Variants in IL12A observed in about 807,000 individuals in gnomAD.
IL12A encodes the protein interleukin 12A, also known as interleukin-12 subunit alpha.
In IL12A, 16 loss-of-function variants were observed where a neutral mutation model predicts 23.5. That is an observed-to-expected ratio of 0.68 (90% CI 0.46 to 1.03). The LOEUF is 1.03. IL12A is among the 50% of genes least tolerant of loss of function. The pLI, the probability that IL12A is intolerant of heterozygous loss-of-function variation, is 0.00. For missense variants in IL12A, 275 were observed against 307.0 expected, an observed-to-expected ratio of 0.90 and a Z score of 0.78; for synonymous variants, 106 against 111.5, an observed-to-expected ratio of 0.95 and a Z score of 0.31.
At chr3:159,994,742 A>G (rs2108048339) in intron 6 of IL12A, among the ~76,000 whole-genome samples, 1 of 152,226 alleles carries the variant, frequency 6.6e-6, no homozygotes, top group East Asian at 1.9e-4. Context: ...TTTGGGTGCT[A>G]GAATCAATTC....
At position 159,993,437 on chromosome 3, in the gene IL12A, T is replaced by C; in HGVS notation, c.379-14T>C. On this transcript the variant is annotated splice_polypyrimidine_tract_variant and intron_variant, in intron 3 of 6. Transcript: ENST00000305579. ...TAAGAATTAATACTTTGATATATGA[T>C]TTTTTCCCTCTAGAATGAGAGTTGC... The C allele has an allele frequency of 6.3e-7, 1 of 1,598,144 alleles. No individual in the cohort carries two copies. The highest frequency in any genetic ancestry group is 8.6e-7 in the Non-Finnish European group (1 of 1,166,624).
At chr3:159,994,581 T>C (rs1395334574) in intron 6 of IL12A, among the ~76,000 whole-genome samples, 1 of 100,340 alleles carries the variant, frequency 1.0e-5, no homozygotes, top group East Asian at 2.6e-4. Flanking sequence ...ATTCTTTTCG[T>C]GTGTGTGTGT....
At position 159,996,004 on chromosome 3, in the gene IL12A, T is replaced by G. The variant is rs1189751828; in HGVS notation, c.*445T>G. The G allele has an allele frequency of 6.6e-6, 1 of 152,190 alleles. No homozygotes were observed. Among genetic ancestry groups the G allele is most frequent in the East Asian group, 1.9e-4 (1 of 5,204 alleles). The allele number at this position is 152,190 out of a possible 1,614,324, so 9.4% of individuals were successfully genotyped here. On this transcript the variant is annotated 3_prime_UTR_variant, in exon 7 of 7. Coordinates refer to ENST00000305579, the MANE Select transcript of IL12A (RefSeq NM_000882.4). ...TTTTTAAGTGTTCTAAAAATAAAAG[T>G]ATTGAATTAAAGTGATTCTGCAATT...
chr3:159,995,580 C>A lies in IL12A; in HGVS notation c.*21C>A. The A allele has an allele frequency of 6.5e-7, 1 of 1,537,098 alleles. No homozygotes were observed. The highest frequency in any genetic ancestry group is 1.4e-5 in the African/African-American group (1 of 71,220). On this transcript the variant is annotated 3_prime_UTR_variant, in exon 7 of 7. Transcript: ENST00000305579. ...CCTAAAAAGCGAGGTCCCTCCAAAC[C>A]GTTGTCATTTTTATAAAACTTTGAA...
Position 159,989,186 on chromosome 3 carries a change from G to C in IL12A, c.118+12G>C, listed in dbSNP as rs754139788. 6.2e-7 allele frequency: 1 copy of C among 1,606,292 alleles called. No individual in the cohort carries two copies. Among genetic ancestry groups the C allele is most frequent in the South Asian group, 1.1e-5 (1 of 90,710 alleles). On this transcript the variant is annotated intron_variant, in intron 1 of 6. Transcript: ENST00000305579. ...GTGTCCAGCGCGCAGTGAGTACTCA[G>C]CCCGCCAGGTCTTTGGCTCGCTCGG...
chr3:159,992,311 A>G (rs582537), intron 2 of IL12A, among the ~76,000 whole-genome samples: 2 of 151,898 alleles, frequency 1.3e-5, no homozygotes, highest in Non-Finnish European at 2.9e-5. Context: ...CATTTGGGCA[A>G]TTGTCTGTCT....
intron 3 of IL12A, 24 bp downstream of exon 3, chr3:159,993,149 G>A: frequency 1.6e-6 from 2 of 1,263,254 alleles, no homozygotes; most frequent in South Asian, 1.2e-5. Flanking sequence ...TCCTCCCAGA[G>A]CATGCAGTGT....
chr3:159,995,614 A>G lies in IL12A; in HGVS notation c.*55A>G, dbSNP rs1720480953. 1 of 1,380,466 alleles carries G rather than the reference A, an allele frequency of 7.2e-7. No homozygotes were observed. The highest frequency in any genetic ancestry group is 1.5e-5 in the African/African-American group (1 of 68,194). The allele number at this position is 1,380,466 out of a possible 1,614,324, so 85.5% of individuals were successfully genotyped here. On this transcript the variant is annotated 3_prime_UTR_variant, in exon 7 of 7. Transcript: ENST00000305579. ...TTTTATAAAACTTTGAAATGAGGAA[A>G]CTTTGATAGGATGTGGATTAAGAAC... is the stretch of plus-strand genomic sequence containing the variant.
Position 159,989,191 on chromosome 3 carries a change from C to A in IL12A, c.118+17C>A. On this transcript the variant is annotated intron_variant, in intron 1 of 6. Coordinates refer to ENST00000305579, the MANE Select transcript of IL12A (RefSeq NM_000882.4). ...CAGCGCGCAGTGAGTACTCAGCCCGCCAGGTCTTTGGCTCGCTCGGGTGCG... is the reference window on the plus strand; with the variant it reads ...CAGCGCGCAGTGAGTACTCAGCCCGACAGGTCTTTGGCTCGCTCGGGTGCG... 6.2e-7 allele frequency: 1 copy of A among 1,602,250 alleles called. No individual in the cohort carries two copies. The highest frequency in any genetic ancestry group is 8.5e-7 in the Non-Finnish European group (1 of 1,171,782).
In IL12A at chr3:159,989,088, C is replaced by A. The variant is rs1003421753; in HGVS notation, c.32C>A (p.Pro11Gln). 3 of 1,613,272 alleles carry A rather than the reference C, an allele frequency of 1.9e-6. No individual in the cohort carries two copies. Among genetic ancestry groups the A allele is most frequent in the Middle Eastern group, 1.7e-4 (1 of 6,038 alleles). ...CCCCCTGGGTCAGCCTCCCAGCCAC[C>A]GCCCTCACCTGCCGCGGCCACAGGT... is the stretch of plus-strand genomic sequence containing the variant. Residue 11 changes from proline (P) to glutamine (Q), a missense_variant, in exon 1 of 7, where the codon CCG becomes CAG. Coordinates refer to ENST00000305579, the MANE Select transcript of IL12A (RefSeq NM_000882.4).
chr3:159,994,073 C>G (rs1209265236), intron 6 of IL12A, among the ~76,000 whole-genome samples: 1 of 152,210 alleles, frequency 6.6e-6, no homozygotes, highest in Non-Finnish European at 1.5e-5. Flanking sequence ...ATCCCCCACA[C>G]TCGGCAAATG....
chr3:159,989,676 G>A (rs2243118), intron 1 of IL12A, among the ~76,000 whole-genome samples: 20 of 152,028 alleles, frequency 1.3e-4, no homozygotes, highest in African/African-American at 1.7e-4. Context: ...CCATCTACTC[G>A]GGAGTCTAAG....
intron 3 of IL12A, 25 bp downstream of exon 3, chr3:159,993,150 C>A: frequency 3.2e-6 from 4 of 1,250,738 alleles, no homozygotes; most frequent in Non-Finnish European, 4.7e-6. Flanking sequence ...CCTCCCAGAG[C>A]ATGCAGTGTG....
rs550206516 is a variant in IL12A at position 159,995,654 on chromosome 3, G to A, written c.*95G>A. The stretch of plus-strand genomic sequence containing the variant: ...GGATTAAGAACTAGGGAGGGGGAAA[G>A]AAGGATGGGACTATTACATCCACAT... On this transcript the variant is annotated 3_prime_UTR_variant, in exon 7 of 7. Coordinates refer to ENST00000305579, the MANE Select transcript of IL12A (RefSeq NM_000882.4). 2.3e-6 allele frequency: 2 copies of A among 855,580 alleles called. No individual in the cohort carries two copies. The highest frequency in any genetic ancestry group is 2.2e-5 in the South Asian group (1 of 45,668). 53.0% of individuals were successfully genotyped at this position (855,580 alleles called of 1,614,324 possible).
At chr3:159,990,344 C>A in intron 2 of IL12A, 32 bp downstream of exon 2, 1 of 1,605,954 alleles carries the variant, frequency 6.2e-7, no homozygotes, top group Non-Finnish European at 8.5e-7. Flanking sequence ...CACTGTGGAC[C>A]TGCACCCTCC....
chr3:159,992,147 G>T (rs1197565979), intron 2 of IL12A, among the ~76,000 whole-genome samples: 1 of 152,182 alleles, frequency 6.6e-6, no homozygotes, highest in Non-Finnish European at 1.5e-5. Context: ...GGCTCATGCT[G>T]TTACCTCTGT....
rs1423787220 is a variant in IL12A, at chr3:159,996,003, G to A, written c.*444G>A. The A allele has an allele frequency of 2.6e-5, 4 of 152,018 alleles. No homozygotes were observed. Among genetic ancestry groups the A allele is most frequent in the Non-Finnish European group, 5.9e-5 (4 of 68,006 alleles). 9.4% of individuals were successfully genotyped at this position (152,018 alleles called of 1,614,324 possible). On this transcript the variant is annotated 3_prime_UTR_variant, in exon 7 of 7. Transcript: ENST00000305579. ...ATTTTTAAGTGTTCTAAAAATAAAA[G>A]TATTGAATTAAAGTGATTCTGCAAT...
intron 1 of IL12A, among the ~76,000 whole-genome samples, chr3:159,989,453 C>T (rs1720223827): frequency 6.6e-6 from 1 of 152,224 alleles, no homozygotes; most frequent in African/African-American, 2.4e-5. Context: ...TAGGGTCCCT[C>T]AGCTACAAAC....
chr3:159,989,124 C>T lies in IL12A; in HGVS notation c.68C>T (p.Ala23Val), dbSNP rs775722646. 3.7e-6 allele frequency: 6 copies of T among 1,612,358 alleles called. No individual in the cohort carries two copies. The highest frequency in any genetic ancestry group is 3.3e-5 in the Admixed American group (2 of 59,894). ...GCCGCGGCCACAGGTCTGCATCCAG[C>T]GGCTCGCCCTGTGTCCCTGCAGTGC... The change falls in exon 1 of 7, where the codon GCG (alanine) becomes GTG (valine). Residue 23 changes from alanine to valine, a missense_variant. Coordinates refer to ENST00000305579, the MANE Select transcript of IL12A (RefSeq NM_000882.4).
Sources: allele counts gnomAD v4.1 joint callset (sites outside exome capture counted in the v4.1 genomes callset), GRCh38; gene constraint gnomAD v4.1.1; transcripts MANE v1.5; gene names NCBI Gene and HGNC (gene_info 2026-07-23, HGNC 2026-07-21).